NBAS: variants seen among roughly 807,000 people sequenced by gnomAD.
NBAS encodes NAG/BC035112 fusion.
NBAS carries 219 observed loss-of-function variants against 302.5 expected under a neutral mutation model. The observed-to-expected ratio is 0.72, with a 90% CI of 0.65 to 0.81. The LOEUF (loss-of-function observed/expected upper bound fraction) is 0.81. Ranked by LOEUF, NBAS falls within the 30% of genes least tolerant of loss-of-function variation. The pLI is 0.00. For synonymous variants in NBAS, 1,118 were observed against 1,021.6 expected, an observed-to-expected ratio of 1.09 and a Z score of -1.80; for missense variants, 2,932 against 2,841.6, an observed-to-expected ratio of 1.03 and a Z score of -0.72.
chr2:15,279,246 T>C (rs894381029), intron 42 of NBAS, among the ~76,000 whole-genome samples: 1 of 152,200 alleles, frequency 6.6e-6, no homozygotes, highest in African/African-American at 2.4e-5. Flanking sequence ...AAGTTAAAGT[T>C]GGGTAATTAT....
Position 15,351,998 on chromosome 2 carries a change from T to C in NBAS, c.4173A>G (p.Val1391=). 6.2e-7 allele frequency: 1 copy of C among 1,607,310 alleles called. No individual in the cohort carries two copies. Among genetic ancestry groups the C allele is most frequent in the Non-Finnish European group, 8.5e-7 (1 of 1,173,942 alleles). The part of the protein sequence containing the change: ...ISASPLTSKA[V]QEDEVGVPGS... ...CTCCCTCATTTTAACTTACCTCTTG[T>C]ACTGCTTTACTAGTTAATGGTGAAG... Residue 1391 remains valine (V), a synonymous_variant, in exon 35 of 52, where the codon GTA becomes GTG. Coordinates refer to ENST00000281513, the MANE Select transcript of NBAS (RefSeq NM_015909.4).
intron 42 of NBAS, among the ~76,000 whole-genome samples, chr2:15,279,643 T>G (rs1409808173): frequency 6.6e-6 from 1 of 152,188 alleles, no homozygotes; most frequent in Non-Finnish European, 1.5e-5. Flanking sequence ...CCCACTCACT[T>G]ATTCTTCTGT....
the NBAS span, among the ~76,000 whole-genome samples, chr2:14,984,360 C>T: frequency 6.6e-6 from 1 of 152,114 alleles, no homozygotes; most frequent in Admixed American, 6.5e-5. Context: ...TTTTGCACTT[C>T]GGCTAGTAGA....
chr2:15,293,723 T>C (rs1670423803), intron 40 of NBAS, among the ~76,000 whole-genome samples: 1 of 152,114 alleles, frequency 6.6e-6, no homozygotes, highest in Non-Finnish European at 1.5e-5. Flanking sequence ...GCATTTCTAA[T>C]GTGTAAGCCA....
chr2:15,088,604 C>T, the NBAS span, among the ~76,000 whole-genome samples: 5 of 152,212 alleles, frequency 3.3e-5, no homozygotes, highest in East Asian at 9.6e-4. Context: ...GTCCTCAACA[C>T]ACTGCAAGTG....
chr2:15,126,032 C>T, the NBAS span, among the ~76,000 whole-genome samples: 6 of 152,216 alleles, frequency 3.9e-5, no homozygotes, highest in East Asian at 1.9e-4. Flanking sequence ...GTGTGATCTC[C>T]GGTGTTGGAG....
downstream of NBAS, among the ~76,000 whole-genome samples, chr2:15,163,679 C>T (rs4668880): frequency 0.15 from 23,248 of 152,004 alleles, 2,604 homozygotes; most frequent in East Asian, 0.46. Flanking sequence ...AGAATGTTAA[C>T]GGTGACAAAT....
At chr2:15,558,970 G>A (rs1664777580) in intron 1 of NBAS, among the ~76,000 whole-genome samples, 1 of 144,412 alleles carries the variant, frequency 6.9e-6, no homozygotes, top group Non-Finnish European at 1.5e-5. Context: ...TTGGGAAGCT[G>A]AGGTGACCCA....
intron 12 of NBAS, among the ~76,000 whole-genome samples, chr2:15,487,901 GAA>G (rs923701747): frequency 6.6e-6 from 1 of 152,174 alleles, no homozygotes; most frequent in African/African-American, 2.4e-5. Context: ...AAGTTGAATG[GAA>G]ACCAGGGAGA....
At chr2:14,891,495 CACTT>C in the NBAS span, among the ~76,000 whole-genome samples, 13 of 152,242 alleles carry the variant, frequency 8.5e-5, no homozygotes, top group Admixed American at 7.2e-4. Context: ...AGGAAGGGAT[CACTT>C]ACTTATTTAT....
the NBAS span, among the ~76,000 whole-genome samples, chr2:14,918,417 A>AT: frequency 1.3e-4 from 20 of 152,322 alleles, no homozygotes; most frequent in South Asian, 3.7e-3. Flanking sequence ...CAATATCATA[A>AT]AAGGGTTTGG....
intron 35 of NBAS, among the ~76,000 whole-genome samples, chr2:15,335,297 T>C (rs1169420225): frequency 6.6e-6 from 1 of 152,216 alleles, no homozygotes; most frequent in African/African-American, 2.4e-5. Context: ...GTCCCCAGAT[T>C]GAAGATAATA....
chr2:15,534,801 T>C lies in NBAS; in HGVS notation c.648-160A>G, dbSNP rs56336903. ...CGAATACGTCACAATGAGAAGGTAA[T>C]TGATAAAACCACTTGGTAAAAAGTG... On this transcript the variant is annotated intron_variant, in intron 8 of 51. Coordinates refer to ENST00000281513, the MANE Select transcript of NBAS (RefSeq NM_015909.4). Among the ~76,000 whole-genome samples the C allele has an allele frequency of 0.05, 7,543 of 152,218 alleles. 585 individuals carry two copies. The highest frequency in any genetic ancestry group is 0.16 in the African/African-American group (6,722 of 41,500).
intron 21 of NBAS, among the ~76,000 whole-genome samples, chr2:15,434,942 G>A (rs1677938369): frequency 6.6e-6 from 1 of 152,136 alleles, no homozygotes; most frequent in South Asian, 2.1e-4. Flanking sequence ...GACTGACACA[G>A]AACCAGTGGA....
At chr2:14,980,375 G>A in the NBAS span, among the ~76,000 whole-genome samples, 39 of 152,210 alleles carry the variant, frequency 2.6e-4, no homozygotes, top group Admixed American at 5.2e-4. Context: ...GAAGCACAGG[G>A]GCTGAAAATA....
chr2:15,214,337 C>T (rs986503992), intron 48 of NBAS, among the ~76,000 whole-genome samples: 16 of 152,128 alleles, frequency 1.1e-4, no homozygotes, highest in Middle Eastern at 6.3e-3. Flanking sequence ...TCAGCAGACA[C>T]TGGTGAGTGA....
At chr2:15,006,180 C>T in the NBAS span, among the ~76,000 whole-genome samples, 4 of 151,988 alleles carry the variant, frequency 2.6e-5, no homozygotes, top group Non-Finnish European at 5.9e-5. Context: ...CTAATGAGCA[C>T]GTATTATAAT....
the NBAS span, among the ~76,000 whole-genome samples, chr2:14,781,212 T>C: frequency 2.0e-5 from 3 of 152,348 alleles, no homozygotes; most frequent in African/African-American, 7.2e-5. Flanking sequence ...GATTTCCATC[T>C]CTCATTTGAA....
At chr2:15,343,006 T>A (rs1303979578) in intron 35 of NBAS, among the ~76,000 whole-genome samples, 2 of 151,174 alleles carry the variant, frequency 1.3e-5, no homozygotes, top group Admixed American at 6.6e-5. Context: ...CCAAGTTCAA[T>A]AGAGTTCAAC....
Sources: gnomAD v4.1 joint callset for allele counts (sites outside exome capture counted in the v4.1 genomes callset) on GRCh38, gnomAD v4.1.1 for gene constraint, MANE v1.5 for transcripts, NCBI Gene and HGNC (gene_info 2026-07-23, HGNC 2026-07-21) for gene names.